The following VPS13B variants were observed in gnomAD, a reference collection of about 807,000 sequenced individuals.
VPS13B encodes vacuolar protein sorting 13 homolog B, also known as intermembrane lipid transfer protein VPS13B.
A neutral mutation model predicts 426.4 loss-of-function variants in VPS13B; 285 were observed. That is an observed-to-expected ratio of 0.67 (90% CI 0.61 to 0.74). The LOEUF is 0.74. VPS13B is among the 30% of genes least tolerant of loss of function. The pLI, the probability that VPS13B is intolerant of heterozygous loss-of-function variation, is 0.00. For synonymous variants in VPS13B, 1,676 were observed against 1,676.4 expected, an observed-to-expected ratio of 1.00 and a Z score of 0.01; for missense variants, 4,537 against 4,782.6, an observed-to-expected ratio of 0.95 and a Z score of 1.51.
chr8:99,696,704 C>A (rs1832019708), intron 35 of VPS13B: 13 of 836,010 alleles, frequency 1.6e-5, no homozygotes, highest in Non-Finnish European at 2.5e-5. Context: ...AGGGCAGTGC[C>A]ACCAGACTTC....
intron 33 of VPS13B, among the ~76,000 whole-genome samples, chr8:99,581,695 G>A (rs936728387): frequency 6.6e-6 from 1 of 151,976 alleles, no homozygotes. Context: ...GTCATGTCAC[G>A]TTAATACTAA....
At chr8:99,296,399 A>T (rs1475088259) in intron 19 of VPS13B, among the ~76,000 whole-genome samples, 2 of 152,192 alleles carry the variant, frequency 1.3e-5, no homozygotes, top group Non-Finnish European at 2.9e-5. Flanking sequence ...ACATATTTAT[A>T]TATAGGTAGG....
chr8:99,440,099 C>T (rs1817607312), intron 22 of VPS13B, among the ~76,000 whole-genome samples: 1 of 152,114 alleles, frequency 6.6e-6, no homozygotes, highest in African/African-American at 2.4e-5. Context: ...ATAATCCCTT[C>T]ACTTTAACAC....
intron 54 of VPS13B, among the ~76,000 whole-genome samples, chr8:99,846,906 G>A (rs985792513): frequency 9.9e-5 from 15 of 152,262 alleles, no homozygotes; most frequent in East Asian, 3.9e-4. Flanking sequence ...AGTTATGGAC[G>A]GTGACTTAGG....
chr8:99,582,640 G>A (rs1266564959), intron 33 of VPS13B, among the ~76,000 whole-genome samples: 1 of 151,938 alleles, frequency 6.6e-6, no homozygotes, highest in Non-Finnish European at 1.5e-5. Context: ...GTTACTCATT[G>A]CCACATTTTC....
At chr8:99,161,952 C>T (rs1164967177) in intron 15 of VPS13B, among the ~76,000 whole-genome samples, 1 of 152,034 alleles carries the variant, frequency 6.6e-6, no homozygotes, top group African/African-American at 2.4e-5. Flanking sequence ...AGGCTGGTCT[C>T]GAACTCTTGG....
chr8:99,777,272 G>A (rs947594424), intron 41 of VPS13B, among the ~76,000 whole-genome samples: 14 of 151,966 alleles, frequency 9.2e-5, no homozygotes, highest in African/African-American at 2.2e-4. Flanking sequence ...CATTTTTCAC[G>A]CTGCTGATAA....
intron 19 of VPS13B, chr8:99,340,669 A>C: frequency 2.5e-6 from 1 of 406,316 alleles, no homozygotes; most frequent in South Asian, 2.1e-5. Context: ...GAGGCTGAGG[A>C]ATAGTTGAAG....
intron 17 of VPS13B, among the ~76,000 whole-genome samples, chr8:99,267,669 G>A (rs1472670124): frequency 2.0e-5 from 3 of 151,810 alleles, no homozygotes; most frequent in Non-Finnish European, 2.9e-5. Context: ...TGAGGTTGCA[G>A]TGAGCTGAGA....
At chr8:99,813,099 G>C (rs118186193) in intron 44 of VPS13B, among the ~76,000 whole-genome samples, 3,399 of 152,312 alleles carry the variant, frequency 0.022, 49 homozygotes, top group Middle Eastern at 0.041. Flanking sequence ...AGCAGATAGA[G>C]CTCTCCTGAG....
intron 5 of VPS13B, among the ~76,000 whole-genome samples, chr8:99,106,846 G>A (rs923370711): frequency 6.6e-6 from 1 of 152,180 alleles, no homozygotes; most frequent in African/African-American, 2.4e-5. Flanking sequence ...GCCTGCACTG[G>A]TCTTTCCTGG....
chr8:99,710,325 C>T (rs532918396), intron 36 of VPS13B, among the ~76,000 whole-genome samples: 2 of 152,132 alleles, frequency 1.3e-5, no homozygotes, highest in South Asian at 4.2e-4. Flanking sequence ...TCCAATGGTG[C>T]ATTTGTCCCC....
At chr8:99,646,955 C>T (rs1311376648) in intron 34 of VPS13B, among the ~76,000 whole-genome samples, 1 of 152,092 alleles carries the variant, frequency 6.6e-6, no homozygotes. Flanking sequence ...CCAAATATAT[C>T]TTTTTTCTTT....
At chr8:99,597,803 A>T (rs1827092948) in intron 33 of VPS13B, among the ~76,000 whole-genome samples, 1 of 152,042 alleles carries the variant, frequency 6.6e-6, no homozygotes. Context: ...TCACTATTAC[A>T]TAAAGCCAAG....
At chr8:99,403,691 T>C (rs1445809212) in intron 21 of VPS13B, among the ~76,000 whole-genome samples, 1 of 152,198 alleles carries the variant, frequency 6.6e-6, no homozygotes, top group East Asian at 1.9e-4. Flanking sequence ...GGTCATGTAT[T>C]CACCCCTGTG....
intron 17 of VPS13B, among the ~76,000 whole-genome samples, chr8:99,261,983 A>C (rs1480433977): frequency 1.3e-5 from 2 of 152,236 alleles, no homozygotes; most frequent in East Asian, 3.9e-4. Context: ...TTTATTTGCC[A>C]TTGCTGTTTA....
intron 43 of VPS13B, among the ~76,000 whole-genome samples, chr8:99,803,501 A>C (rs1469169708): frequency 6.6e-6 from 1 of 152,208 alleles, no homozygotes; most frequent in Non-Finnish European, 1.5e-5. Flanking sequence ...AGGGTCCAAA[A>C]ATAAAATTCA....
chr8:99,729,660 G>T (rs1833508049), intron 39 of VPS13B, among the ~76,000 whole-genome samples: 1 of 152,104 alleles, frequency 6.6e-6, no homozygotes, highest in African/African-American at 2.4e-5. Context: ...TTTTGAAATT[G>T]AGTTTACAAT....
intron 33 of VPS13B, 89 bp downstream of exon 33, chr8:99,577,722 T>C: frequency 1.4e-6 from 2 of 1,469,128 alleles, no homozygotes; most frequent in Non-Finnish European, 1.9e-6. Flanking sequence ...CTGACTGCTT[T>C]CTGCTTAATT....
Sources: allele counts gnomAD v4.1 joint callset (sites outside exome capture counted in the v4.1 genomes callset), GRCh38; gene constraint gnomAD v4.1.1; transcripts MANE v1.5; gene names NCBI Gene and HGNC (gene_info 2026-07-23, HGNC 2026-07-21).